Variants in TLR8 observed in about 807,000 individuals in gnomAD.
TLR8 encodes toll like receptor 8.
A neutral mutation model predicts 18.5 loss-of-function variants in TLR8; 5 were observed. The observed-to-expected ratio is 0.27, with a 90% CI of 0.14 to 0.57. The LOEUF (loss-of-function observed/expected upper bound fraction) is 0.57, where lower values mean the gene tolerates loss of function less well. TLR8 is among the 20% of genes least tolerant of loss of function. The probability of loss-of-function intolerance (pLI) is 0.92; values close to 1 mark genes in which losing one functional copy is unlikely to be tolerated. For missense variants in TLR8, 543 were observed against 769.8 expected, an observed-to-expected ratio of 0.71 and a Z score of 3.49; for synonymous variants, 299 against 300.1, an observed-to-expected ratio of 1.00 and a Z score of 0.04.
chrX:12,919,051 T>A lies in TLR8; in HGVS notation c.11T>A (p.Met4Lys), dbSNP rs780074989. Residue 4 changes from methionine to lysine, a missense_variant, in exon 2 of 2, where the codon ATG (methionine) becomes AAG (lysine). Around this residue, in one of 4 missense-constraint regions of TLR8, gnomAD observed 117 missense variants for 111.0 expected, o/e 1.05. Coordinates refer to ENST00000218032, the MANE Select transcript of TLR8 (RefSeq NM_138636.5). ...ACTTTTGATTTTCCTTAGGAAAACATGTTCCTTCAGTCGTCAATGCTGACC... is the reference window on the plus strand; with the variant it reads ...ACTTTTGATTTTCCTTAGGAAAACAAGTTCCTTCAGTCGTCAATGCTGACC... MEN[M>K]FLQSSMLTCI... 3.9e-5 allele frequency: 47 copies of A among 1,196,216 alleles called. No individual in the cohort carries two copies. The highest frequency in any genetic ancestry group is 5.1e-5 in the Non-Finnish European group (45 of 888,116).
chrX:12,913,304 G>T (rs921579504), intron 1 of TLR8, among the ~76,000 whole-genome samples: 3 of 111,391 alleles, frequency 2.7e-5, no homozygotes, highest in Non-Finnish European at 5.7e-5. Flanking sequence ...CATAACAAAA[G>T]CATCAGATAA....
intron 1 of TLR8, among the ~76,000 whole-genome samples, chrX:12,909,566 G>C (rs182385032): frequency 8.9e-6 from 1 of 111,938 alleles, no homozygotes; most frequent in South Asian, 3.8e-4. Flanking sequence ...AAAGAATCTG[G>C]AAGTTCTCTG....
chrX:12,921,159 C>A lies in TLR8; in HGVS notation c.2119C>A (p.Leu707Ile), dbSNP rs781031262. The A allele has an allele frequency of 9.1e-6, 11 of 1,211,786 alleles. No homozygotes were observed. The highest frequency in any genetic ancestry group is 3.4e-6 in the Non-Finnish European group (3 of 895,466). ...GNKLLFLTDS[L>I]SDFTSSLRTL... ...CAAACTACTCTTTTTAACTGATAGC[C>A]TATCTGACTTTACATCTTCCCTTCG... The change falls in exon 2 of 2, where the codon CTA becomes ATA. Residue 707 changes from leucine (L) to isoleucine (I), a missense_variant. Leu to Ile is a conservative substitution (Grantham distance 5). Around this residue, in one of 4 missense-constraint regions of TLR8, gnomAD observed 227 missense variants for 312.9 expected, o/e 0.73. Coordinates refer to ENST00000218032, the MANE Select transcript of TLR8 (RefSeq NM_138636.5).
intron 1 of TLR8, among the ~76,000 whole-genome samples, chrX:12,910,991 T>A (rs956177638): frequency 2.7e-5 from 3 of 109,754 alleles, no homozygotes; most frequent in Non-Finnish European, 5.7e-5. Flanking sequence ...TTTAAAGAAG[T>A]GGGTTTTGCT....
chrX:12,910,371 C>A, intron 1 of TLR8: 2 of 1,166,510 alleles, frequency 1.7e-6, no homozygotes, highest in South Asian at 3.8e-5. Flanking sequence ...TTGAAGGAAG[C>A]CTTTGAAAGG....
chrX:12,910,580 C>A, intron 1 of TLR8: 1 of 666,930 alleles, frequency 1.5e-6, no homozygotes, highest in Non-Finnish European at 2.2e-6. Flanking sequence ...TCCGCCCTGG[C>A]TGCAGCCCTC....
chrX:12,906,799 C>A, intron 1 of TLR8, 90 bp downstream of exon 1: 2 of 810,381 alleles, frequency 2.5e-6, no homozygotes, highest in Admixed American at 4.1e-5. Context: ...ATGGTGTGAG[C>A]CTAGAAAGTA....
At chrX:12,911,683 T>C (rs2043022109) in intron 1 of TLR8, among the ~76,000 whole-genome samples, 1 of 112,715 alleles carries the variant, frequency 8.9e-6, no homozygotes, top group Admixed American at 9.3e-5. Context: ...CCACTTCTAC[T>C]CAATCCAGGT....
In TLR8 at chrX:12,922,288, G is replaced by T. The variant is rs912589738; in HGVS notation, c.*122G>T. 9.4e-6 allele frequency: 9 copies of T among 954,913 alleles called. No homozygotes were observed. Among genetic ancestry groups the T allele is most frequent in the Admixed American group, 3.2e-5 (1 of 31,510 alleles). The allele number at this position is 954,913 out of a possible 1,213,427, so 78.7% of individuals were successfully genotyped here. ...CTTAGTGGTTTAAAACAACACATTTGCTGGCCCACAGTTTTTGAGGGTCAG... is the reference window on the plus strand; with the variant it reads ...CTTAGTGGTTTAAAACAACACATTTTCTGGCCCACAGTTTTTGAGGGTCAG... On this transcript the variant is annotated 3_prime_UTR_variant, in exon 2 of 2. Coordinates refer to ENST00000218032, the MANE Select transcript of TLR8 (RefSeq NM_138636.5).
Position 12,922,596 on chromosome X carries a change from T to C in TLR8, c.*430T>C, listed in dbSNP as rs183081837. 2.5e-5 allele frequency: 3 copies of C among 119,516 alleles called. No individual in the cohort carries two copies. The highest frequency in any genetic ancestry group is 9.6e-5 in the African/African-American group (3 of 31,189). The allele number at this position is 119,516 out of a possible 1,213,427, so 9.8% of individuals were successfully genotyped here. ...ATCAAAAAAGTGATATCTCATCACT[T>C]TGGCCATATTCTATTTGTTAGAAGT... On this transcript the variant is annotated 3_prime_UTR_variant, in exon 2 of 2. Coordinates refer to ENST00000218032, the MANE Select transcript of TLR8 (RefSeq NM_138636.5).
In TLR8 at chrX:12,921,017, C is replaced by T. The variant is rs766184252; in HGVS notation, c.1977C>T (p.Phe659=). 9.1e-6 allele frequency: 11 copies of T among 1,208,298 alleles called. No individual in the cohort carries two copies. Among genetic ancestry groups the T allele is most frequent in the Non-Finnish European group, 9.0e-6 (8 of 892,395 alleles). The change falls in exon 2 of 2, where the codon TTC becomes TTT. Residue 659 remains phenylalanine (F), a synonymous_variant. Transcript: ENST00000218032. ...NRLKHIPNEA[F]LNLPASLTEL... The stretch of plus-strand genomic sequence containing the variant: ...TGAAGCACATCCCAAATGAAGCATT[C>T]CTTAATTTGCCAGCGAGTCTCACTG...
chrX:12,908,683 CTT>C (rs1188937206), intron 1 of TLR8, among the ~76,000 whole-genome samples: 1 of 112,560 alleles, frequency 8.9e-6, no homozygotes, highest in Non-Finnish European at 1.9e-5. Context: ...TTTTTTGGTC[CTT>C]TTGTTAAAAA....
Position 12,906,664 on chromosome X carries a change from C to T in TLR8, c.-43C>T, listed in dbSNP as rs377043983. On this transcript the variant is annotated 5_prime_UTR_variant, in exon 1 of 2. Transcript: ENST00000218032. ...CTCCTGCATAGAGGGTACCATTCTG[C>T]GCTGCTGCAAGTTACGGAATGAAAA... The T allele has an allele frequency of 2.0e-5, 22 of 1,089,391 alleles. No individual in the cohort carries two copies. The highest frequency in any genetic ancestry group is 1.8e-4 in the East Asian group (5 of 28,425). The allele number at this position is 1,089,391 out of a possible 1,213,427, so 89.8% of individuals were successfully genotyped here.
At chrX:12,918,275 C>A (rs5744073) in intron 1 of TLR8, among the ~76,000 whole-genome samples, 460 of 111,365 alleles carry the variant, frequency 4.1e-3, no homozygotes, top group Non-Finnish European at 6.8e-3. Context: ...AAGATGACTG[C>A]CTAGAAGATC....
In TLR8 at chrX:12,910,248, G is replaced by A. The variant is rs902992521; in HGVS notation, c.3+3539G>A. On this transcript the variant is annotated intron_variant, in intron 1 of 1. Transcript: ENST00000218032. ...TCAGCTCTGGTTGAATCCAAACATT[G>A]TGCTGAAGCAGCTAAGTAATTCAAC... 9.5e-6 allele frequency: 10 copies of A among 1,049,746 alleles called. 1 individual carries two copies. The highest frequency in any genetic ancestry group is 1.2e-5 in the Non-Finnish European group (10 of 803,534). The allele number at this position is 1,049,746 out of a possible 1,213,427, so 86.5% of individuals were successfully genotyped here.
Position 12,922,111 on chromosome X carries a change from C to A in TLR8, c.3071C>A (p.Thr1024Asn). Residue 1024 changes from threonine to asparagine, a missense_variant, in exon 2 of 2, where the codon ACT becomes AAT. Transcript: ENST00000218032. The part of the protein sequence containing the change: ...FWQTLRNVVL[T>N]ENDSRYNNMY... ...CAAACTCTGAGAAATGTGGTCTTGA[C>A]TGAAAATGATTCACGGTATAACAAT... 8.3e-7 allele frequency: 1 copy of A among 1,210,441 alleles called. No homozygotes were observed. The highest frequency in any genetic ancestry group is 1.1e-6 in the Non-Finnish European group (1 of 894,812).
In TLR8 at chrX:12,906,650, A is replaced by AG; in HGVS notation, c.-54dup. 1 of 1,041,876 alleles carries AG rather than the reference A, an allele frequency of 9.6e-7. No individual in the cohort carries two copies. Among genetic ancestry groups the AG allele is most frequent in the Non-Finnish European group, 1.2e-6 (1 of 806,359 alleles). 85.9% of individuals were successfully genotyped at this position (1,041,876 alleles called of 1,213,427 possible). ...CTCTTCTCGGCCACCTCCTGCATAG[A>AG]GGGTACCATTCTGCGCTGCTGCAAG... is the stretch of plus-strand genomic sequence containing the variant. On this transcript the variant is annotated 5_prime_UTR_variant, in exon 1 of 2. Coordinates refer to ENST00000218032, the MANE Select transcript of TLR8 (RefSeq NM_138636.5).
chrX:12,922,277 A>C lies in TLR8; in HGVS notation c.*111A>C. On this transcript the variant is annotated 3_prime_UTR_variant, in exon 2 of 2. Transcript: ENST00000218032. ...TTATCCCAAAACTTAGTGGTTTAAA[A>C]CAACACATTTGCTGGCCCACAGTTT... The C allele has an allele frequency of 9.9e-7, 1 of 1,012,404 alleles. No homozygotes were observed. Among genetic ancestry groups the C allele is most frequent in the Non-Finnish European group, 1.3e-6 (1 of 758,177 alleles). 83.4% of individuals were successfully genotyped at this position (1,012,404 alleles called of 1,213,427 possible). A position where few individuals can be genotyped will look rare whatever the true frequency, so the allele number is the denominator to read the frequency against.
Position 12,920,243 on chromosome X carries a change from G to C in TLR8, c.1203G>C (p.Leu401Phe). 1 of 1,205,444 alleles carries C rather than the reference G, an allele frequency of 8.3e-7. No individual in the cohort carries two copies. Among genetic ancestry groups the C allele is most frequent in the Non-Finnish European group, 1.1e-6 (1 of 892,898 alleles). The change falls in exon 2 of 2, where the codon TTG becomes TTC. Residue 401 changes from leucine to phenylalanine, a missense_variant. Coordinates refer to ENST00000218032, the MANE Select transcript of TLR8 (RefSeq NM_138636.5). ...MQLPNLSTIN[L>F]GINFIKQIDF... ...TTCCAAACTTATCGACTATCAACTTGGGTATTAATTTTATTAAGCAAATCG... is the reference window on the plus strand; with the variant it reads ...TTCCAAACTTATCGACTATCAACTTCGGTATTAATTTTATTAAGCAAATCG...
Sources: allele counts gnomAD v4.1 joint callset (sites outside exome capture counted in the v4.1 genomes callset), GRCh38; gene constraint gnomAD v4.1.1; regional missense constraint gnomAD v4.1.1; transcripts MANE v1.5; gene names NCBI Gene and HGNC (gene_info 2026-07-23, HGNC 2026-07-21).